The following DLC1 variants were observed in gnomAD, a reference collection of about 807,000 sequenced individuals.
DLC1 encodes the protein DLC1 Rho GTPase activating protein.
DLC1 carries 54 observed loss-of-function variants against 140.3 expected under a neutral mutation model. That is an observed-to-expected ratio of 0.38 (90% CI 0.31 to 0.48). The LOEUF is 0.48. Ranked by LOEUF, DLC1 falls within the 20% of genes least tolerant of loss-of-function variation. DLC1 has a pLI of 0.96. For missense variants in DLC1, 2,536 were observed against 1,907.0 expected, an observed-to-expected ratio of 1.33 and a Z score of -6.14; for synonymous variants, 986 against 728.1, an observed-to-expected ratio of 1.35 and a Z score of -5.70.
At chr8:13,256,699 A>T (rs1374187664) in intron 5 of DLC1, among the ~76,000 whole-genome samples, 1 of 152,096 alleles carries the variant, frequency 6.6e-6, no homozygotes, top group African/African-American at 2.4e-5. Flanking sequence ...CAGGGAGGGG[A>T]ACATCACACA....
At chr8:13,405,933 C>CT (rs1208483568) in intron 2 of DLC1, among the ~76,000 whole-genome samples, 1 of 86,826 alleles carries the variant, frequency 1.2e-5, no homozygotes, top group Non-Finnish European at 2.4e-5. Flanking sequence ...TTCTTTCTTT[C>CT]TTTCTTTCTT....
intron 5 of DLC1, among the ~76,000 whole-genome samples, chr8:13,168,132 T>C (rs1825226182): frequency 6.6e-6 from 1 of 152,224 alleles, no homozygotes; most frequent in Non-Finnish European, 1.5e-5. Context: ...TTGTTCTCCA[T>C]TTCTTATCTT....
intron 4 of DLC1, among the ~76,000 whole-genome samples, chr8:13,332,822 A>G (rs1833653915): frequency 6.6e-6 from 1 of 152,132 alleles, no homozygotes; most frequent in African/African-American, 2.4e-5. Flanking sequence ...ATTTTACAGA[A>G]TTAATATAGT....
intron 2 of DLC1, among the ~76,000 whole-genome samples, chr8:13,409,598 G>A (rs1289869977): frequency 5.3e-5 from 8 of 152,074 alleles, no homozygotes; most frequent in African/African-American, 1.9e-4. Context: ...TGTCTTATCT[G>A]GCAACTGTGT....
intron 5 of DLC1, among the ~76,000 whole-genome samples, chr8:13,260,922 C>A (rs1486405846): frequency 6.6e-6 from 1 of 152,156 alleles, no homozygotes; most frequent in Non-Finnish European, 1.5e-5. Flanking sequence ...GGTGTGCTTG[C>A]ATAATTTACC....
intron 1 of DLC1, chr8:13,567,342 AGAATT>A (rs868196955): frequency 5.2e-6 from 8 of 1,551,630 alleles, no homozygotes; most frequent in Non-Finnish European, 7.0e-6. Context: ...TATCAGATGA[AGAATT>A]GAATGCCCTG....
chr8:13,416,801 TG>T (rs1188757920), intron 2 of DLC1, among the ~76,000 whole-genome samples: 3 of 152,204 alleles, frequency 2.0e-5, no homozygotes, highest in African/African-American at 7.2e-5. Context: ...TGACATTTTT[TG>T]GCTGGGGCCT....
At chr8:13,300,547 A>G (rs1483450635) in intron 5 of DLC1, among the ~76,000 whole-genome samples, 1 of 152,162 alleles carries the variant, frequency 6.6e-6, no homozygotes, top group East Asian at 1.9e-4. Flanking sequence ...TCGTGGCTGA[A>G]TGAGGAAGAC....
At chr8:13,134,116 A>G (rs6531026) in intron 5 of DLC1, among the ~76,000 whole-genome samples, 1 of 151,994 alleles carries the variant, frequency 6.6e-6, no homozygotes, top group African/African-American at 2.4e-5. Flanking sequence ...AAGCTCTCAG[A>G]TGATTCTGAT....
chr8:13,197,391 C>G (rs924913773), intron 5 of DLC1, among the ~76,000 whole-genome samples: 2 of 151,746 alleles, frequency 1.3e-5, no homozygotes, highest in African/African-American at 4.8e-5. Context: ...CTCTGTCGCC[C>G]AGGCTGGAGT....
rs986248020 is a variant in DLC1, at chr8:13,276,584, C to A, written c.1348+28685G>T. On this transcript the variant is annotated intron_variant, in intron 5 of 17. Coordinates refer to ENST00000276297, the MANE Select transcript of DLC1 (RefSeq NM_182643.3). ...CTGGCCCGCGGCCAAGCGCGCGCGG[C>A]GGCCACATCTGGAAAGACTTACCCT... The A allele has an allele frequency of 8.7e-6, 11 of 1,261,424 alleles. No homozygotes were observed. In the African/African-American group the frequency reaches 1.7e-4, roughly 20 times the overall value. 78.1% of individuals were successfully genotyped at this position (1,261,424 alleles called of 1,614,324 possible).
At chr8:13,325,317 T>G (rs1018404259) in intron 4 of DLC1, among the ~76,000 whole-genome samples, 1 of 152,150 alleles carries the variant, frequency 6.6e-6, no homozygotes, top group African/African-American at 2.4e-5. Context: ...TTCGATTATT[T>G]CACGGACGGC....
chr8:13,369,417 T>C (rs1382419133), intron 4 of DLC1, among the ~76,000 whole-genome samples: 1 of 152,102 alleles, frequency 6.6e-6, no homozygotes, highest in Non-Finnish European at 1.5e-5. Context: ...CTGCTTTTTC[T>C]TTTGTTGTTA....
chr8:13,275,093 G>A (rs78761904), intron 5 of DLC1, among the ~76,000 whole-genome samples: 140 of 152,284 alleles, frequency 9.2e-4, no homozygotes, highest in African/African-American at 3.2e-3. Context: ...CCTACCTAAT[G>A]GTTCGACTTG....
At chr8:13,521,278 G>C (rs1170685912) in intron 1 of DLC1, among the ~76,000 whole-genome samples, 1 of 151,996 alleles carries the variant, frequency 6.6e-6, no homozygotes, top group Non-Finnish European at 1.5e-5. Flanking sequence ...AGAGCATCAG[G>C]GTAAATAGCT....
At chr8:13,328,673 T>G (rs1833468211) in intron 4 of DLC1, among the ~76,000 whole-genome samples, 1 of 152,104 alleles carries the variant, frequency 6.6e-6, no homozygotes, top group Non-Finnish European at 1.5e-5. Flanking sequence ...GACCTTATAT[T>G]TTGAGACTTT....
intron 4 of DLC1, among the ~76,000 whole-genome samples, chr8:13,334,259 A>G (rs1833726779): frequency 6.6e-6 from 1 of 152,096 alleles, no homozygotes; most frequent in Non-Finnish European, 1.5e-5. Flanking sequence ...TGGGAGGGAA[A>G]GGAGCTTGGT....
At chr8:13,527,570 T>C (rs1802958658) in intron 1 of DLC1, among the ~76,000 whole-genome samples, 1 of 152,170 alleles carries the variant, frequency 6.6e-6, no homozygotes, top group Non-Finnish European at 1.5e-5. Flanking sequence ...TGATTTCTAA[T>C]TTACTTCCAT....
intron 1 of DLC1, among the ~76,000 whole-genome samples, chr8:13,503,398 A>AG (rs1331401400): frequency 6.6e-6 from 1 of 152,118 alleles, no homozygotes; most frequent in East Asian, 1.9e-4. Flanking sequence ...AGCAAAAAAA[A>AG]ATAATAATAA....
Sources: allele counts gnomAD v4.1 joint callset (sites outside exome capture counted in the v4.1 genomes callset), GRCh38; gene constraint gnomAD v4.1.1; transcripts MANE v1.5; gene names NCBI Gene and HGNC (gene_info 2026-07-23, HGNC 2026-07-21).